PIK3R4: variants seen among roughly 807,000 people sequenced by gnomAD.
PIK3R4 encodes phosphoinositide-3-kinase regulatory subunit 4.
In PIK3R4, 46 loss-of-function variants were observed where a neutral mutation model predicts 136.5. That is an observed-to-expected ratio of 0.34 (90% CI 0.27 to 0.43). The LOEUF (loss-of-function observed/expected upper bound fraction) is 0.43, where lower values mean the gene tolerates loss of function less well. Among genes scored for constraint, PIK3R4 ranks in the 20% least tolerant of loss-of-function variants. PIK3R4 has a pLI of 1.00. For missense variants in PIK3R4, 1,331 were observed against 1,649.5 expected, an observed-to-expected ratio of 0.81 and a Z score of 3.35; for synonymous variants, 557 against 566.7, an observed-to-expected ratio of 0.98 and a Z score of 0.24.
At chr3:130,736,214 A>C (rs768624721) in intron 2 of PIK3R4, among the ~76,000 whole-genome samples, 13 of 152,194 alleles carry the variant, frequency 8.5e-5, no homozygotes, top group Non-Finnish European at 1.6e-4. Context: ...GTCAAAGAAG[A>C]GCCATACAAT....
At chr3:130,713,836 C>A (rs554953129) in intron 9 of PIK3R4, among the ~76,000 whole-genome samples, 2 of 152,208 alleles carry the variant, frequency 1.3e-5, no homozygotes, top group African/African-American at 4.8e-5. Flanking sequence ...CCATGCCCAG[C>A]CAATTTTTTG....
chr3:130,706,548 T>C (rs369351902), intron 11 of PIK3R4, among the ~76,000 whole-genome samples: 1 of 152,222 alleles, frequency 6.6e-6, no homozygotes, highest in East Asian at 1.9e-4. Flanking sequence ...AAAAGCATCA[T>C]GACATTTATC....
chr3:130,690,362 GGCT>G (rs1388120934), intron 14 of PIK3R4, 125 bp downstream of exon 14: 10 of 426,982 alleles, frequency 2.3e-5, no homozygotes, highest in Non-Finnish European at 4.1e-5. Flanking sequence ...TTATTTTATG[GGCT>G]TAAAAAAAGA....
At position 130,735,874 on chromosome 3, in the gene PIK3R4, C is replaced by T; in HGVS notation, c.862G>A (p.Glu288Lys). The change falls in exon 3 of 20, where the codon GAA (glutamate) becomes AAA (lysine). Residue 288 changes from glutamate to lysine, a missense_variant. Coordinates refer to ENST00000356763, the MANE Select transcript of PIK3R4 (RefSeq NM_014602.3). ...LNKIEDHSIR[E>K]LVTQMIHREP... ...AATATTTGTAGCATAGTTACCAATT[C>T]TCTGATACTGTGATCTTCAATTTTA... 1 of 1,608,792 alleles carries T rather than the reference C, an allele frequency of 6.2e-7. No homozygotes were observed. The highest frequency in any genetic ancestry group is 8.5e-7 in the Non-Finnish European group (1 of 1,178,676).
chr3:130,708,392 T>C lies in PIK3R4; in HGVS notation c.2432A>G (p.His811Arg). ...KANIVDQSHL[H>R]DSSQKGVIDL... ...AATTACACCTTTCTGACTACTATCA[T>C]GAAGATGGCTCTGGTCCACTATATT... The change falls in exon 10 of 20, where the codon CAT becomes CGT. Residue 811 changes from histidine (H) to arginine (R), a missense_variant. Physicochemically the swap from His to Arg is conservative, Grantham distance 29. Transcript: ENST00000356763. 1 of 1,613,828 alleles carries C rather than the reference T, an allele frequency of 6.2e-7. No homozygotes were observed.
chr3:130,725,136 C>A (rs1484881134), intron 6 of PIK3R4, among the ~76,000 whole-genome samples: 1 of 151,564 alleles, frequency 6.6e-6, no homozygotes, highest in African/African-American at 2.4e-5. Flanking sequence ...CTGAAATGTA[C>A]AATGAGCTAA....
chr3:130,740,817 G>A (rs1216941629), intron 2 of PIK3R4, among the ~76,000 whole-genome samples: 5 of 152,108 alleles, frequency 3.3e-5, no homozygotes, highest in African/African-American at 1.2e-4. Context: ...ATTTCATAAG[G>A]TTAGGGAAAA....
In PIK3R4 at chr3:130,745,014, G is replaced by C. The variant is rs2066844932; in HGVS notation, c.205C>G (p.Gln69Glu). ...DPTLPLTSYK[Q>E]ELEELKIRLN... ...CTGATTTTCAGTTCCTCCAGCTCTT[G>C]TTTATAGCTGGTTAAAGGCAATGTG... The change falls in exon 2 of 20, where the codon CAA becomes GAA. Residue 69 changes from glutamine (Q) to glutamate (E), a missense_variant. Physicochemically the swap from Gln to Glu is conservative, Grantham distance 29 (BLOSUM62 2). Coordinates refer to ENST00000356763, the MANE Select transcript of PIK3R4 (RefSeq NM_014602.3). 5.0e-6 allele frequency: 8 copies of C among 1,613,700 alleles called. No homozygotes were observed. The highest frequency in any genetic ancestry group is 6.8e-6 in the Non-Finnish European group (8 of 1,179,942).
In PIK3R4 at chr3:130,679,492, G is replaced by T. The variant is rs1225343341; in HGVS notation, c.3907-7C>A. ...TCTGCTTATTCTGAATTTCCTGTTT[G>T]GTGATTAAAAGGGAGCAAGCCAGAG... On this transcript the variant is annotated splice_region_variant and splice_polypyrimidine_tract_variant and intron_variant, in intron 19 of 19. Transcript: ENST00000356763. 1.2e-6 allele frequency: 2 copies of T among 1,605,368 alleles called. No individual in the cohort carries two copies. The highest frequency in any genetic ancestry group is 2.7e-5 in the African/African-American group (2 of 74,806).
intron 6 of PIK3R4, among the ~76,000 whole-genome samples, chr3:130,727,060 G>C (rs567645566): frequency 1.3e-5 from 2 of 152,248 alleles, no homozygotes; most frequent in South Asian, 2.1e-4. Flanking sequence ...CCGGGAATTT[G>C]AAAGTTTTTC....
At chr3:130,727,978 A>C (rs2066742438) in intron 6 of PIK3R4, among the ~76,000 whole-genome samples, 1 of 124,338 alleles carries the variant, frequency 8.0e-6, no homozygotes, top group African/African-American at 4.4e-5. Context: ...ACAAATTTTC[A>C]GTTACACAAA....
intron 13 of PIK3R4, among the ~76,000 whole-genome samples, chr3:130,695,029 G>T (rs1260075823): frequency 2.0e-5 from 3 of 152,242 alleles, no homozygotes; most frequent in East Asian, 3.9e-4. Context: ...AGTTTGTTGA[G>T]ATGACCATTT....
At chr3:130,709,391 C>G (rs1293329680) in intron 9 of PIK3R4, among the ~76,000 whole-genome samples, 1 of 152,010 alleles carries the variant, frequency 6.6e-6, no homozygotes, top group Non-Finnish European at 1.5e-5. Flanking sequence ...CTCCTGAGGC[C>G]TCAATCTAGA....
At chr3:130,697,002 T>C (rs896702776) in intron 13 of PIK3R4, among the ~76,000 whole-genome samples, 3 of 151,980 alleles carry the variant, frequency 2.0e-5, no homozygotes, top group African/African-American at 7.2e-5. Flanking sequence ...ATCTCCTTGG[T>C]TGTCTCTAGG....
chr3:130,736,041 A>T, intron 2 of PIK3R4, 39 bp from the exon 3 acceptor site: 1 of 1,480,874 alleles, frequency 6.8e-7, no homozygotes, highest in Non-Finnish European at 9.1e-7. Flanking sequence ...GAAAAGAGAT[A>T]AAAAATATCA....
At chr3:130,745,286 G>A in intron 1 of PIK3R4, 22 bp from the exon 2 acceptor site, 1 of 1,425,986 alleles carries the variant, frequency 7.0e-7, no homozygotes, top group Non-Finnish European at 9.3e-7. Flanking sequence ...AAAAACAAAT[G>A]AAGAAAAAAG....
intron 3 of PIK3R4, among the ~76,000 whole-genome samples, chr3:130,735,000 T>A (rs1043020308): frequency 6.6e-6 from 1 of 152,140 alleles, no homozygotes; most frequent in Non-Finnish European, 1.5e-5. Context: ...ATTCACTTCT[T>A]TCGCAGTTCA....
At chr3:130,715,101 C>T (rs997451051) in intron 9 of PIK3R4, among the ~76,000 whole-genome samples, 9 of 150,752 alleles carry the variant, frequency 6.0e-5, no homozygotes, top group Non-Finnish European at 1.3e-4. Context: ...ACAGCCTCCC[C>T]AGGATCTATT....
At chr3:130,721,180 A>C (rs1488448809) in intron 7 of PIK3R4, among the ~76,000 whole-genome samples, 1 of 96,124 alleles carries the variant, frequency 1.0e-5, no homozygotes, top group South Asian at 5.0e-4. Flanking sequence ...CTAAAAATAC[A>C]AAAAAAATTA....
Sources: gnomAD v4.1 joint callset for allele counts (sites outside exome capture counted in the v4.1 genomes callset) on GRCh38, gnomAD v4.1.1 for gene constraint, MANE v1.5 for transcripts, NCBI Gene and HGNC (gene_info 2026-07-23, HGNC 2026-07-21) for gene names.